RBM6: variants seen among roughly 807,000 people sequenced by gnomAD.
RBM6 encodes the protein RNA-binding protein 6.
Under a neutral mutation model 140.4 loss-of-function variants are expected in RBM6, and 23 were observed. The ratio of observed to expected loss-of-function variants is 0.16; its 90% CI spans 0.12 to 0.23. The LOEUF (loss-of-function observed/expected upper bound fraction) is 0.23. Among genes scored for constraint, RBM6 ranks in the 10% least tolerant of loss-of-function variants. RBM6 has a pLI of 1.00. For missense variants in RBM6, 1,139 were observed against 1,386.7 expected (o/e 0.82, Z 2.84); for synonymous variants, 439 against 475.6 (o/e 0.92, Z 1.00).
chr3:50,042,082 G>T (rs1483470110), intron 6 of RBM6, among the ~76,000 whole-genome samples: 1 of 152,190 alleles, frequency 6.6e-6, no homozygotes, highest in Non-Finnish European at 1.5e-5. Context: ...TGTGAAGAAT[G>T]CCTTTGTAAA....
At chr3:49,999,357 T>C in intron 5 of RBM6, 83 bp from the exon 6 acceptor site, 1 of 1,238,180 alleles carries the variant, frequency 8.1e-7, no homozygotes, top group Non-Finnish European at 1.2e-6. Context: ...TTTAAGGGGT[T>C]CAGAAACAGG....
chr3:49,953,919 A>G (rs568362082), intron 1 of RBM6, among the ~76,000 whole-genome samples: 2 of 152,106 alleles, frequency 1.3e-5, no homozygotes, highest in African/African-American at 4.8e-5. Context: ...AATCGCCTGA[A>G]TCAGGAGTTT....
intron 1 of RBM6, among the ~76,000 whole-genome samples, chr3:49,953,277 T>C (rs984419971): frequency 1.3e-5 from 2 of 151,342 alleles, no homozygotes; most frequent in Non-Finnish European, 2.9e-5. Flanking sequence ...TGGAGTGCAG[T>C]GGAGCGATCT....
intron 3 of RBM6, 115 bp downstream of exon 3, chr3:49,968,863 T>G: frequency 7.8e-7 from 1 of 1,275,920 alleles, no homozygotes. Context: ...TCATGCAAGC[T>G]CCGCCTCCTG....
intron 1 of RBM6, among the ~76,000 whole-genome samples, chr3:49,941,710 G>C (rs539177991): frequency 6.8e-6 from 1 of 147,856 alleles, no homozygotes; most frequent in Non-Finnish European, 1.5e-5. Context: ...TAGAGGCAGC[G>C]TTTCGCCTTA....
At chr3:50,014,303 T>C (rs908885603) in intron 6 of RBM6, among the ~76,000 whole-genome samples, 1 of 152,172 alleles carries the variant, frequency 6.6e-6, no homozygotes, top group African/African-American at 2.4e-5. Context: ...GAATAAGACC[T>C]ATTTTGATAT....
At chr3:50,002,801 A>T (rs546702942) in intron 6 of RBM6, among the ~76,000 whole-genome samples, 1 of 152,298 alleles carries the variant, frequency 6.6e-6, no homozygotes, top group African/African-American at 2.4e-5. Context: ...TGACATAGTA[A>T]ACAATCTTAT....
intron 6 of RBM6, chr3:50,047,061 GA>G (rs2089259305): frequency 3.1e-5 from 16 of 519,902 alleles, no homozygotes; most frequent in Non-Finnish European, 4.0e-5. Flanking sequence ...TCTCAGACCA[GA>G]TGCTAAGACC....
intron 6 of RBM6, among the ~76,000 whole-genome samples, chr3:50,034,567 C>T (rs1207206506): frequency 6.6e-6 from 1 of 152,090 alleles, no homozygotes; most frequent in Non-Finnish European, 1.5e-5. Context: ...TTGAGACCAG[C>T]CTGGCCAACA....
intron 6 of RBM6, among the ~76,000 whole-genome samples, chr3:50,009,937 G>A (rs1379390376): frequency 1.3e-5 from 2 of 151,886 alleles, no homozygotes; most frequent in Non-Finnish European, 1.5e-5. Context: ...TACCCAGGCT[G>A]GAGTGCGATG....
chr3:49,976,141 A>G (rs2085052894), intron 5 of RBM6, among the ~76,000 whole-genome samples: 1 of 152,166 alleles, frequency 6.6e-6, no homozygotes, highest in Non-Finnish European at 1.5e-5. Flanking sequence ...CAGAATTTTA[A>G]ATGGAAGGGA....
chr3:50,068,090 G>T (rs1276949065), intron 17 of RBM6, among the ~76,000 whole-genome samples: 1 of 152,204 alleles, frequency 6.6e-6, no homozygotes, highest in East Asian at 1.9e-4. Flanking sequence ...GGAGCCACAG[G>T]TCTGGTGAAT....
At chr3:50,026,466 G>C (rs1315190641) in intron 6 of RBM6, among the ~76,000 whole-genome samples, 1 of 150,182 alleles carries the variant, frequency 6.7e-6, no homozygotes, top group Non-Finnish European at 1.5e-5. Flanking sequence ...TGCAACCTCT[G>C]CTTCATGGGT....
chr3:50,053,820 G>A (rs1184824923), intron 7 of RBM6, among the ~76,000 whole-genome samples: 4 of 152,156 alleles, frequency 2.6e-5, no homozygotes, highest in African/African-American at 9.7e-5. Context: ...ACCTTATTCT[G>A]GGCTAGTGAA....
chr3:49,958,630 A>G (rs529739098), intron 1 of RBM6, among the ~76,000 whole-genome samples: 2 of 151,738 alleles, frequency 1.3e-5, no homozygotes, highest in Non-Finnish European at 2.9e-5. Context: ...GGGCGCCTGT[A>G]GTCCCAGTTA....
intron 6 of RBM6, among the ~76,000 whole-genome samples, chr3:50,032,398 T>G (rs1325963958): frequency 6.7e-6 from 1 of 148,212 alleles, no homozygotes; most frequent in African/African-American, 2.5e-5. Flanking sequence ...GCAGGAGAAT[T>G]GGTTGAACCC....
In RBM6 at chr3:50,057,783, A is replaced by T. The variant is rs781080914; in HGVS notation, c.1749A>T (p.Ile583=). The change falls in exon 9 of 21, where the codon ATA becomes ATT. Residue 583 remains isoleucine (I), a synonymous_variant. Transcript: ENST00000266022. The part of the protein sequence containing the change: ...ITYPQPQKTS[I]PAPLEKQPNQ... Reference sequence around the variant, plus strand: ...ACCCTCAGCCTCAGAAAACATCCATACCAGCACCATTGGAAAAACAGCCCA... The same window carrying T: ...ACCCTCAGCCTCAGAAAACATCCATTCCAGCACCATTGGAAAAACAGCCCA... The T allele has an allele frequency of 1.2e-6, 2 of 1,613,636 alleles. No homozygotes were observed. Among genetic ancestry groups the T allele is most frequent in the Non-Finnish European group, 1.7e-6 (2 of 1,179,928 alleles).
chr3:50,060,934 ATTG>A lies in RBM6; in HGVS notation c.2229-17_2229-15del, dbSNP rs1295407326. The A allele has an allele frequency of 8.4e-6, 13 of 1,542,212 alleles. No homozygotes were observed. The highest frequency in any genetic ancestry group is 1.1e-5 in the Non-Finnish European group (13 of 1,148,106). On this transcript the variant is annotated intron_variant, in intron 11 of 20. Coordinates refer to ENST00000266022, the MANE Select transcript of RBM6 (RefSeq NM_005777.3). The stretch of plus-strand genomic sequence containing the variant: ...ATGCCACTTGGTAGCAGCCTTAAGA[ATTG>A]TTGTGTTATCTGTTGCAGAAATGAT...
chr3:49,985,302 A>T (rs567317465), intron 5 of RBM6, among the ~76,000 whole-genome samples: 1 of 152,236 alleles, frequency 6.6e-6, no homozygotes, highest in Non-Finnish European at 1.5e-5. Context: ...GATAGAGGCC[A>T]TCTATAAAAA....
Sources: allele counts gnomAD v4.1 joint callset (sites outside exome capture counted in the v4.1 genomes callset), GRCh38; gene constraint gnomAD v4.1.1; transcripts MANE v1.5; gene names NCBI Gene and HGNC (gene_info 2026-07-23, HGNC 2026-07-21).